CFAP47: variants seen among roughly 807,000 people sequenced by gnomAD.
CFAP47 encodes the protein cilia and flagella associated protein 47.
Under a neutral mutation model 148.1 loss-of-function variants are expected in CFAP47, and 29 were observed. That is an observed-to-expected ratio of 0.20 (90% CI 0.15 to 0.27). The LOEUF is 0.27. Ranked by LOEUF, CFAP47 falls within the 10% of genes least tolerant of loss-of-function variation. The pLI, the probability that CFAP47 is intolerant of heterozygous loss-of-function variation, is 1.00. For synonymous variants in CFAP47, 664 were observed against 577.3 expected (o/e 1.15, Z -2.15); for missense variants, 1,872 against 1,697.5 (o/e 1.10, Z -1.81).
chrX:35,988,436 A>G (rs4462053), intron 15 of CFAP47, among the ~76,000 whole-genome samples: 34,922 of 110,778 alleles, frequency 0.32, 8,455 homozygotes, highest in African/African-American at 0.83. Flanking sequence ...GGTGCTTTCC[A>G]GGCATCATAC....
chrX:36,343,572 C>T (rs1207912836), intron 57 of CFAP47, among the ~76,000 whole-genome samples: 1 of 111,779 alleles, frequency 8.9e-6, no homozygotes, highest in Admixed American at 9.5e-5. Flanking sequence ...CTAGCAATCC[C>T]ATTACTTGGT....
chrX:35,923,944 C>CATATATGTGCATGT (rs761942015), intron 1 of CFAP47, among the ~76,000 whole-genome samples: 2 of 59,464 alleles, frequency 3.4e-5, no homozygotes, highest in Non-Finnish European at 5.2e-5. Flanking sequence ...TATATATGTA[C>CATATATGTGCATGT]ATGTGTATAT....
chrX:36,252,098 A>C (rs1940699436), intron 49 of CFAP47, among the ~76,000 whole-genome samples: 1 of 111,117 alleles, frequency 9.0e-6, no homozygotes, highest in Non-Finnish European at 1.9e-5. Context: ...TAAATTCCCT[A>C]TGGTAGTTGG....
chrX:35,924,684 T>G (rs73466927), intron 1 of CFAP47, among the ~76,000 whole-genome samples: 1 of 110,416 alleles, frequency 9.1e-6, no homozygotes, highest in Non-Finnish European at 1.9e-5. Context: ...GATTTTAAGC[T>G]TCTTAGAATA....
At chrX:36,025,623 G>A (rs990901279) in intron 22 of CFAP47, among the ~76,000 whole-genome samples, 7 of 111,185 alleles carry the variant, frequency 6.3e-5, no homozygotes, top group Non-Finnish European at 1.1e-4. Flanking sequence ...GTAAGATGGT[G>A]TCTATAAAAA....
At chrX:35,962,297 A>G in intron 8 of CFAP47, among the ~76,000 whole-genome samples, 1 of 111,549 alleles carries the variant, frequency 9.0e-6, no homozygotes, top group East Asian at 2.8e-4. Flanking sequence ...TGTGCATTCT[A>G]CTGTAGTTGG....
intron 49 of CFAP47, among the ~76,000 whole-genome samples, chrX:36,275,114 G>T (rs781963925): frequency 1.8e-5 from 2 of 109,901 alleles, no homozygotes; most frequent in Non-Finnish European, 3.8e-5. Flanking sequence ...TTGAGACAGG[G>T]TCTCACTCTG....
rs1356003999 is a variant in CFAP47 at position 36,039,130 on chromosome X, G to C, written c.3958G>C (p.Asp1320His). Reference sequence around the variant, plus strand: ...TATATTTTTCACTCCTGTTCCTTTGGATATAACAACTGTAATGGATATCAA... The same window carrying C: ...TATATTTTTCACTCCTGTTCCTTTGCATATAACAACTGTAATGGATATCAA... ...PFIFFTPVPL[D>H]ITTVMDINIL... Residue 1320 changes from aspartate to histidine, a missense_variant, in exon 25 of 64, where the codon GAT becomes CAT. By Grantham distance (81) the Asp-to-His change is moderately conservative. Coordinates refer to ENST00000378653, the MANE Select transcript of CFAP47 (RefSeq NM_001304548.2). The C allele has an allele frequency of 2.7e-6, 3 of 1,103,452 alleles. No individual in the cohort carries two copies. Among genetic ancestry groups the C allele is most frequent in the Non-Finnish European group, 3.7e-6 (3 of 821,434 alleles). The allele number at this position is 1,103,452 out of a possible 1,213,427, so 90.9% of individuals were successfully genotyped here. A position where few individuals can be genotyped will look rare whatever the true frequency, so the allele number is the denominator to read the frequency against.
chrX:36,053,782 T>C lies in CFAP47; in HGVS notation c.4217+6719T>C, dbSNP rs762926995. On this transcript the variant is annotated intron_variant, in intron 26 of 63. Coordinates refer to ENST00000378653, the MANE Select transcript of CFAP47 (RefSeq NM_001304548.2). ...ATATACGATGTTCATAACTGGAAGT[T>C]ATTCATCGTTTACTTGTAGCCAAAT... Among the ~76,000 whole-genome samples the C allele has an allele frequency of 7.1e-5, 8 of 112,430 alleles. No individual in the cohort carries two copies. In the South Asian group the frequency reaches 2.9e-3, roughly 41 times the overall value.
intron 24 of CFAP47, among the ~76,000 whole-genome samples, chrX:36,038,162 G>A (rs1200112990): frequency 8.9e-6 from 1 of 111,815 alleles, no homozygotes; most frequent in Non-Finnish European, 1.9e-5. Context: ...TGCCACTTTT[G>A]AACATGGTCT....
intron 2 of CFAP47, among the ~76,000 whole-genome samples, chrX:35,930,022 C>A (rs772321718): frequency 3.2e-4 from 35 of 107,913 alleles, no homozygotes; most frequent in South Asian, 1.6e-3. Context: ...AACAAACAAA[C>A]AAAAAAAAAC....
At chrX:36,196,472 A>G (rs1939921975) in intron 42 of CFAP47, among the ~76,000 whole-genome samples, 1 of 111,513 alleles carries the variant, frequency 9.0e-6, no homozygotes, top group South Asian at 3.7e-4. Flanking sequence ...GTCTAGGTAA[A>G]TGCACTTTTT....
intron 3 of CFAP47, 93 bp downstream of exon 3, chrX:35,941,491 G>T: frequency 2.2e-6 from 1 of 453,263 alleles, no homozygotes; most frequent in Non-Finnish European, 3.6e-6. Context: ...TAATTTAACT[G>T]AAAAAAGGTC....
intron 49 of CFAP47, among the ~76,000 whole-genome samples, chrX:36,276,316 C>T (rs782532060): frequency 2.0e-4 from 22 of 111,605 alleles, no homozygotes; most frequent in Non-Finnish European, 3.8e-4. Flanking sequence ...TACCCGTTTT[C>T]TCTCTCACTA....
intron 29 of CFAP47, among the ~76,000 whole-genome samples, chrX:36,080,686 A>T (rs1937960385): frequency 1.8e-5 from 2 of 111,569 alleles, no homozygotes; most frequent in Admixed American, 9.5e-5. Flanking sequence ...AAGGACAGAA[A>T]ACCAAACACC....
At chrX:36,226,402 G>A (rs1940270022) in intron 45 of CFAP47, among the ~76,000 whole-genome samples, 1 of 111,659 alleles carries the variant, frequency 9.0e-6, no homozygotes, top group African/African-American at 3.3e-5. Context: ...ACCTCTGCTA[G>A]TTTACATCTG....
Position 36,065,573 on chromosome X carries a change from T to G in CFAP47, c.4218-70T>G, listed in dbSNP as rs796828872. On this transcript the variant is annotated intron_variant, in intron 26 of 63. Transcript: ENST00000378653. ...TCTTCATCATTAAGGGCATCTGGGATACTTAAATGCATGGCATTTACTGCA... is the reference window on the plus strand; with the variant it reads ...TCTTCATCATTAAGGGCATCTGGGAGACTTAAATGCATGGCATTTACTGCA... 164 of 566,450 alleles carry G rather than the reference T, an allele frequency of 2.9e-4. 1 individual carries two copies. The South Asian group carries it at 4.1e-3, about 14-fold the overall frequency. The allele number at this position is 566,450 out of a possible 1,213,427, so 46.7% of individuals were successfully genotyped here.
rs149847751 is a variant in CFAP47 at position 36,052,732 on chromosome X, A to C, written c.4217+5669A>C. On this transcript the variant is annotated intron_variant, in intron 26 of 63. Coordinates refer to ENST00000378653, the MANE Select transcript of CFAP47 (RefSeq NM_001304548.2). ...CTTCTTATACTTACTCTCATTGACA[A>C]TCACTTAAATGGAAATTATACTATT... 6.2e-3 allele frequency among the ~76,000 whole-genome samples: 693 copies of C among 112,291 alleles called. 7 individuals are homozygous for C. Among genetic ancestry groups the C allele is most frequent in the African/African-American group, 0.021 (664 of 30,941 alleles).
At chrX:36,031,387 T>C in intron 23 of CFAP47, 40 bp downstream of exon 23, 1 of 281,195 alleles carries the variant, frequency 3.6e-6, no homozygotes, top group Non-Finnish European at 6.3e-6. Context: ...ATTCTTTTCA[T>C]GATTATGAAT....
Sources: gnomAD v4.1 joint callset for allele counts (sites outside exome capture counted in the v4.1 genomes callset) on GRCh38, gnomAD v4.1.1 for gene constraint, MANE v1.5 for transcripts, NCBI Gene and HGNC (gene_info 2026-07-23, HGNC 2026-07-21) for gene names.